The following GET1 variants were observed in gnomAD, a reference collection of about 807,000 sequenced individuals.
The protein encoded by GET1 is guided entry of tail-anchored proteins factor 1.
A neutral mutation model predicts 22.6 loss-of-function variants in GET1; 20 were observed. That is an observed-to-expected ratio of 0.89 (90% CI 0.62 to 1.29). The LOEUF is 1.29. Among genes scored for constraint, GET1 ranks in the 50% most tolerant of loss-of-function variants. GET1 has a pLI of 0.00. For missense variants in GET1, 209 were observed against 219.9 expected, an observed-to-expected ratio of 0.95 and a Z score of 0.31; for synonymous variants, 92 against 83.8, an observed-to-expected ratio of 1.10 and a Z score of -0.53.
chr21:39,418,527 G>A (rs969947181), intron 1 of GET1, among the ~76,000 whole-genome samples: 4 of 151,856 alleles, frequency 2.6e-5, no homozygotes, highest in African/African-American at 9.7e-5. Flanking sequence ...TTGAGATGGA[G>A]CCTCACTCTG....
At chr21:39,404,809 A>T (rs570522986) in intron 4 of GET1, among the ~76,000 whole-genome samples, 5 of 149,174 alleles carry the variant, frequency 3.4e-5, no homozygotes, top group Admixed American at 2.7e-4. Flanking sequence ...CACTATATAT[A>T]TACACACATA....
intron 1 of GET1, chr21:39,422,572 T>G: frequency 4.1e-6 from 1 of 244,294 alleles, no homozygotes; most frequent in African/African-American, 2.2e-5. Flanking sequence ...CTGAGTAGGT[T>G]TTTAGGGAAG....
chr21:39,417,852 G>A (rs550377105), intron 1 of GET1, among the ~76,000 whole-genome samples: 78 of 152,148 alleles, frequency 5.1e-4, no homozygotes, highest in African/African-American at 1.5e-3. Flanking sequence ...TGCAAGCTCC[G>A]CCTCCCGAGT....
In GET1 at chr21:39,416,639, T is replaced by G. The variant is rs548611949; in HGVS notation, c.*23+5702T>G. ...CAAAATCAGGACTATAGGATTTTTA[T>G]TTGACTCTATCTTACTTCTGTATTT... On this transcript the variant is annotated intron_variant, in intron 1 of 1. Transcript: ENST00000478273. Among the ~76,000 whole-genome samples, 5 of 151,136 alleles carry G rather than the reference T, an allele frequency of 3.3e-5. No individual in the cohort carries two copies. The South Asian group carries it at 8.4e-4, about 25-fold the overall frequency.
intron 4 of GET1, among the ~76,000 whole-genome samples, chr21:39,395,902 G>C (rs972797715): frequency 1.1e-4 from 17 of 152,222 alleles, no homozygotes; most frequent in African/African-American, 4.1e-4. Context: ...GGCAAGAAAG[G>C]CATAGGTAGA....
At chr21:39,385,376 C>A (rs1035729484) in intron 1 of GET1, among the ~76,000 whole-genome samples, 1 of 152,162 alleles carries the variant, frequency 6.6e-6, no homozygotes, top group South Asian at 2.1e-4. Flanking sequence ...TTAAGCCTAG[C>A]AAGGTCCTGG....
chr21:39,403,527 G>A (rs765402676), intron 4 of GET1, among the ~76,000 whole-genome samples: 25 of 138,924 alleles, frequency 1.8e-4, no homozygotes, highest in South Asian at 1.3e-3. Flanking sequence ...GGGGTTCACC[G>A]TGTTAGCCAG....
chr21:39,404,021 C>G (rs1341983781), intron 4 of GET1, among the ~76,000 whole-genome samples: 1 of 152,214 alleles, frequency 6.6e-6, no homozygotes, highest in African/African-American at 2.4e-5. Context: ...CTCCCAGGTT[C>G]AAGCGATTCT....
chr21:39,424,202 G>A (rs866520703), intron 1 of GET1, among the ~76,000 whole-genome samples: 3 of 151,948 alleles, frequency 2.0e-5, no homozygotes, highest in Non-Finnish European at 2.9e-5. Context: ...TAGTAGAGAC[G>A]GAGTTTCACC....
intron 4 of GET1, among the ~76,000 whole-genome samples, chr21:39,405,137 T>TG (rs1201922270): frequency 6.6e-6 from 1 of 152,074 alleles, no homozygotes; most frequent in East Asian, 1.9e-4. Context: ...CCAGCCTATT[T>TG]TTTTTTTTTA....
At chr21:39,384,834 CCTCT>C (rs1464585317) in intron 1 of GET1, among the ~76,000 whole-genome samples, 1 of 152,130 alleles carries the variant, frequency 6.6e-6, no homozygotes, top group Non-Finnish European at 1.5e-5. Flanking sequence ...AACCTTATGG[CCTCT>C]CTAACCTCAA....
At chr21:39,413,251 A>G (rs958263339) in intron 1 of GET1, among the ~76,000 whole-genome samples, 4 of 152,234 alleles carry the variant, frequency 2.6e-5, no homozygotes, top group Non-Finnish European at 4.4e-5. Flanking sequence ...AAGAGTACAC[A>G]TATGTTTTCT....
At position 39,384,078 on chromosome 21, in the gene GET1, G is replaced by A. The variant is rs532626385; in HGVS notation, c.102+3592G>A. Among the ~76,000 whole-genome samples, 9 of 151,052 alleles carry A rather than the reference G, an allele frequency of 6.0e-5. No individual in the cohort carries two copies. The South Asian group carries it at 1.5e-3, about 25-fold the overall frequency. ...TGTAATACTAACCATTCTAATGGAC[G>A]TAAGGTGGTGTCTCATTTTAGTTTT... On this transcript the variant is annotated intron_variant, in intron 1 of 4. Transcript: ENST00000649170.
rs7279764 is a variant in GET1, at chr21:39,391,226, G to T, written c.268+363G>T. 2,028 of 231,476 alleles carry T rather than the reference G, an allele frequency of 8.8e-3. 37 individuals carry two copies. Among genetic ancestry groups the T allele is most frequent in the African/African-American group, 0.045 (1,942 of 43,530 alleles). 14.3% of individuals were successfully genotyped at this position (231,476 alleles called of 1,614,324 possible). On this transcript the variant is annotated intron_variant, in intron 2 of 4. Coordinates refer to ENST00000649170, the MANE Select transcript of GET1 (RefSeq NM_004627.6). The stretch of plus-strand genomic sequence containing the variant: ...CCAGAGGCTTTTGTTCCACTCTCTA[G>T]AAAAATGCCCAGCAGTGTCCTCTTC...
chr21:39,391,440 C>A lies in GET1; in HGVS notation c.269-329C>A, dbSNP rs1057093476. The A allele has an allele frequency of 3.9e-5, 13 of 330,758 alleles. No homozygotes were observed. The Admixed American group carries it at 6.2e-4, about 16-fold the overall frequency. The allele number at this position is 330,758 out of a possible 1,614,324, so 20.5% of individuals were successfully genotyped here. On this transcript the variant is annotated intron_variant, in intron 2 of 4. Coordinates refer to ENST00000649170, the MANE Select transcript of GET1 (RefSeq NM_004627.6). ...TCCCACCAGGGGTTCGTGTACTGTG[C>A]ACACTGGGAAATAAGGAGGAAAATT...
At chr21:39,424,683 A>G (rs755370670) in intron 1 of GET1, among the ~76,000 whole-genome samples, 3 of 152,224 alleles carry the variant, frequency 2.0e-5, no homozygotes, top group Non-Finnish European at 2.9e-5. Context: ...ATCAAATTGC[A>G]TAAGAGTCTA....
At chr21:39,421,907 G>T (rs78146041) in intron 1 of GET1, 5 of 152,072 alleles carry the variant, frequency 3.3e-5, no homozygotes, top group African/African-American at 1.2e-4. Flanking sequence ...ATTTGTTTTG[G>T]TTTTATGTAT....
rs1206850713 is a variant in GET1, at chr21:39,393,256, G to T, written c.427G>T (p.Val143Leu). 6.2e-7 allele frequency: 1 copy of T among 1,614,144 alleles called. No homozygotes were observed. Among genetic ancestry groups the T allele is most frequent in the Non-Finnish European group, 8.5e-7 (1 of 1,179,988 alleles). ...ATGGATAACCCCTCTAGACCGCCTGGTAGCCTTTCCTACTAGAGTAGCAGG... is the reference window on the plus strand; with the variant it reads ...ATGGATAACCCCTCTAGACCGCCTGTTAGCCTTTCCTACTAGAGTAGCAGG... ...SKWITPLDRL[V>L]AFPTRVAGGV... The change falls in exon 4 of 5, where the codon GTA (valine) becomes TTA (leucine). Residue 143 changes from valine (V) to leucine (L), a missense_variant. Transcript: ENST00000649170.
chr21:39,398,742 TA>T (rs2038764299), downstream of GET1, among the ~76,000 whole-genome samples: 1 of 151,538 alleles, frequency 6.6e-6, no homozygotes, highest in African/African-American at 2.4e-5. Flanking sequence ...GCCTCCCAAG[TA>T]GCTGGGATTA....
Sources: gnomAD v4.1 joint callset for allele counts (sites outside exome capture counted in the v4.1 genomes callset) on GRCh38, gnomAD v4.1.1 for gene constraint, MANE v1.5 for transcripts, NCBI Gene and HGNC (gene_info 2026-07-23, HGNC 2026-07-21) for gene names.